Variants in LASP1 observed in about 807,000 individuals in gnomAD.
The protein encoded by LASP1 is LIM and SH3 domain protein 1.
LASP1 carries 10 observed loss-of-function variants against 38.6 expected under a neutral mutation model. The ratio of observed to expected loss-of-function variants is 0.26; its 90% CI spans 0.16 to 0.44. The LOEUF is 0.44. LASP1 is among the 20% of genes least tolerant of loss of function. The probability of loss-of-function intolerance (pLI) is 1.00; values close to 1 mark genes in which losing one functional copy is unlikely to be tolerated. For missense variants in LASP1, 243 were observed against 375.7 expected (o/e 0.65, Z 2.92); for synonymous variants, 132 against 140.8 (o/e 0.94, Z 0.44).
intron 1 of LASP1, among the ~76,000 whole-genome samples, chr17:38,873,224 G>A (rs1299340361): frequency 2.0e-5 from 3 of 152,040 alleles, no homozygotes; most frequent in African/African-American, 4.8e-5. Context: ...TTGTCTCAGC[G>A]CTCCCTCCCC....
intron 1 of LASP1, among the ~76,000 whole-genome samples, chr17:38,877,264 G>A (rs992804195): frequency 4.6e-5 from 7 of 152,192 alleles, no homozygotes; most frequent in Non-Finnish European, 1.0e-4. Context: ...ACCAGGAAGT[G>A]GGCTCCTCTG....
Position 38,914,464 on chromosome 17 carries a change from C to T in LASP1, c.497C>T (p.Thr166Ile), listed in dbSNP as rs1440812116. The change falls in exon 5 of 7, where the codon ACC (threonine) becomes ATC (isoleucine). Residue 166 changes from threonine to isoleucine, a missense_variant. Physicochemically the swap from Thr to Ile is moderately conservative, Grantham distance 89. Coordinates refer to ENST00000318008, the MANE Select transcript of LASP1 (RefSeq NM_006148.4). ...CAGCAGCAGCCTCACCACATCCCGA[C>T]CAGTGCCCCGGGTGAGTGCAGGTCC... ...LEQQQPHHIP[T>I]SAPVYQQPQQ... is the part of the protein sequence containing the mutation. 3 of 1,605,724 alleles carry T rather than the reference C, an allele frequency of 1.9e-6. No homozygotes were observed. The East Asian group carries it at 6.7e-5, about 36-fold the overall frequency.
chr17:38,897,007 G>C, intron 3 of LASP1: 1 of 985,426 alleles, frequency 1.0e-6, no homozygotes, highest in Non-Finnish European at 1.2e-6. Flanking sequence ...CTTCCCAAAG[G>C]GCCTCCCACT....
At chr17:38,886,652 G>A (rs947115524) in intron 2 of LASP1, among the ~76,000 whole-genome samples, 1 of 152,120 alleles carries the variant, frequency 6.6e-6, no homozygotes, top group South Asian at 2.1e-4. Flanking sequence ...AGGGGCTCCC[G>A]AGACCGTCTG....
intron 4 of LASP1, among the ~76,000 whole-genome samples, chr17:38,901,760 C>CTTTATT (rs1320499251): frequency 3.3e-5 from 5 of 152,084 alleles, no homozygotes; most frequent in South Asian, 4.2e-4. Flanking sequence ...CCCAGGGGAG[C>CTTTATT]TTTATTTTTA....
At chr17:38,871,232 C>G (rs1028015074) in intron 1 of LASP1, among the ~76,000 whole-genome samples, 1 of 151,866 alleles carries the variant, frequency 6.6e-6, no homozygotes, top group Non-Finnish European at 1.5e-5. Context: ...ATCTGGTTGC[C>G]ATTAGACTTT....
At chr17:38,898,741 G>A (rs1275797370) in intron 4 of LASP1, 1 of 609,276 alleles carries the variant, frequency 1.6e-6, no homozygotes. Context: ...TGAAGGGACT[G>A]TATTCTGTGG....
intron 3 of LASP1, among the ~76,000 whole-genome samples, chr17:38,891,705 G>A (rs1914330052): frequency 6.6e-6 from 1 of 152,200 alleles, no homozygotes. Flanking sequence ...TGGCAGCTTT[G>A]AATGTAGGTT....
Position 38,888,069 on chromosome 17 carries a change from C to T in LASP1, c.165-2351C>T, listed in dbSNP as rs75198395. Among the ~76,000 whole-genome samples, 72 of 152,206 alleles carry T rather than the reference C, an allele frequency of 4.7e-4. No homozygotes were observed. The East Asian group carries it at 7.0e-3, about 15-fold the overall frequency. ...TCACCCAGGGCTAAAAATGGCCTGA[C>T]GGGCTCCGGCTTGGAGAAGCCACCC... On this transcript the variant is annotated intron_variant, in intron 2 of 6. Coordinates refer to ENST00000318008, the MANE Select transcript of LASP1 (RefSeq NM_006148.4).
Position 38,919,934 on chromosome 17 carries a change from G to C in LASP1, c.*1156G>C. On this transcript the variant is annotated 3_prime_UTR_variant, in exon 7 of 7. Coordinates refer to ENST00000318008, the MANE Select transcript of LASP1 (RefSeq NM_006148.4). The stretch of plus-strand genomic sequence containing the variant: ...TGTAGGTGTCTCTGGGCCTGTGTGT[G>C]GGTGGGGTTATGTGAGGGTATGAAG... 1 of 532,536 alleles carries C rather than the reference G, an allele frequency of 1.9e-6. No individual in the cohort carries two copies. Among genetic ancestry groups the C allele is most frequent in the East Asian group, 3.9e-5 (1 of 25,774 alleles). The allele number at this position is 532,536 out of a possible 1,614,324, so 33.0% of individuals were successfully genotyped here. A position where few individuals can be genotyped will look rare whatever the true frequency, so the allele number is the denominator to read the frequency against.
chr17:38,908,528 C>T (rs978119025), intron 4 of LASP1, among the ~76,000 whole-genome samples: 1 of 152,252 alleles, frequency 6.6e-6, no homozygotes, highest in African/African-American at 2.4e-5. Context: ...GATTTTCAGC[C>T]TGGCCAGGGT....
chr17:38,914,887 G>A (rs1029257798), intron 5 of LASP1, 156 bp from the exon 6 acceptor site: 1 of 695,746 alleles, frequency 1.4e-6, no homozygotes, highest in Non-Finnish European at 2.5e-6. Context: ...ACAACACACA[G>A]GCAAATGTGC....
At chr17:38,894,034 T>C (rs1049171339) in intron 3 of LASP1, among the ~76,000 whole-genome samples, 1 of 152,164 alleles carries the variant, frequency 6.6e-6, no homozygotes, top group Non-Finnish European at 1.5e-5. Context: ...TTTGGGTGTC[T>C]GGGACACCTG....
chr17:38,908,810 T>G (rs1298291360), intron 4 of LASP1, among the ~76,000 whole-genome samples: 1 of 152,158 alleles, frequency 6.6e-6, no homozygotes, highest in Non-Finnish European at 1.5e-5. Flanking sequence ...GCTGTTAACG[T>G]GTAAGCCCTG....
At chr17:38,885,661 G>T (rs1019650852) in intron 2 of LASP1, among the ~76,000 whole-genome samples, 2 of 152,234 alleles carry the variant, frequency 1.3e-5, no homozygotes, top group Non-Finnish European at 2.9e-5. Flanking sequence ...CTCATTCCTC[G>T]CCATGGCCCA....
chr17:38,889,189 G>A (rs577218791), intron 2 of LASP1, among the ~76,000 whole-genome samples: 9 of 152,074 alleles, frequency 5.9e-5, no homozygotes, highest in African/African-American at 2.2e-4. Flanking sequence ...GGAGTGCAAT[G>A]GCAGGATCTT....
intron 1 of LASP1, 66 bp downstream of exon 1, chr17:38,870,324 G>A (rs1328567643): frequency 3.2e-6 from 5 of 1,564,762 alleles, no homozygotes; most frequent in Non-Finnish European, 4.4e-6. Context: ...AGGGAGGAGA[G>A]AAGGGCCGGG....
At chr17:38,873,029 A>G (rs1913655466) in intron 1 of LASP1, among the ~76,000 whole-genome samples, 2 of 152,170 alleles carry the variant, frequency 1.3e-5, no homozygotes, top group South Asian at 4.1e-4. Context: ...TCATTCAACA[A>G]ATATTTATTG....
rs146267207 is a variant in LASP1, at chr17:38,919,254, G to A, written c.*476G>A. ...GATGGGGACTCTGCCGCTGTGTAGG[G>A]ACCAGTGGGATGGGCTCTACCTCTC... On this transcript the variant is annotated 3_prime_UTR_variant, in exon 7 of 7. Transcript: ENST00000318008. The A allele has an allele frequency of 4.4e-4, 109 of 245,584 alleles. No homozygotes were observed. Among genetic ancestry groups the A allele is most frequent in the Non-Finnish European group, 7.2e-4 (90 of 124,738 alleles). 15.2% of individuals were successfully genotyped at this position (245,584 alleles called of 1,614,324 possible).
Sources: gnomAD v4.1 joint callset for allele counts (sites outside exome capture counted in the v4.1 genomes callset) on GRCh38, gnomAD v4.1.1 for gene constraint, MANE v1.5 for transcripts, NCBI Gene and HGNC (gene_info 2026-07-23, HGNC 2026-07-21) for gene names.